The following CCDC171 variants were observed in gnomAD, a reference collection of about 807,000 sequenced individuals.
CCDC171 encodes coiled-coil domain-containing protein 171.
A neutral mutation model predicts 168.2 loss-of-function variants in CCDC171; 177 were observed. That is an observed-to-expected ratio of 1.05 (90% CI 0.93 to 1.19). The LOEUF is 1.19. CCDC171 is among the 50% of genes most tolerant of loss of function. The probability of loss-of-function intolerance (pLI) is 0.00; values close to 1 mark genes in which losing one functional copy is unlikely to be tolerated. For synonymous variants in CCDC171, 687 were observed against 540.8 expected, an observed-to-expected ratio of 1.27 and a Z score of -3.75; for missense variants, 1,991 against 1,539.0, an observed-to-expected ratio of 1.29 and a Z score of -4.91.
downstream of CCDC171, among the ~76,000 whole-genome samples, chr9:16,063,594 A>G (rs1251583610): frequency 6.6e-6 from 1 of 152,214 alleles, no homozygotes; most frequent in East Asian, 1.9e-4. Context: ...GCTGTTACGG[A>G]AAAGCGAAAA....
At chr9:15,955,197 G>A (rs1234509073) in intron 25 of CCDC171, among the ~76,000 whole-genome samples, 1 of 152,000 alleles carries the variant, frequency 6.6e-6, no homozygotes, top group Non-Finnish European at 1.5e-5. Context: ...CCTTTCCCTG[G>A]GCTTGTGTGG....
chr9:15,927,315 T>A (rs1033429780), intron 25 of CCDC171, among the ~76,000 whole-genome samples: 16 of 151,580 alleles, frequency 1.1e-4, no homozygotes, highest in African/African-American at 3.9e-4. Flanking sequence ...GGGCTTTGAG[T>A]AAAGAGCTTT....
chr9:15,793,260 A>G (rs2135639440), intron 21 of CCDC171, among the ~76,000 whole-genome samples: 1 of 152,168 alleles, frequency 6.6e-6, no homozygotes, highest in Non-Finnish European at 1.5e-5. Flanking sequence ...GATCAATTCA[A>G]CAAGAAGAGC....
chr9:16,077,558 C>G, the CCDC171 span, among the ~76,000 whole-genome samples: 1 of 152,156 alleles, frequency 6.6e-6, no homozygotes, highest in Admixed American at 6.5e-5. Flanking sequence ...GAAGAAAACA[C>G]CTGATCCAAG....
chr9:15,707,690 C>T (rs2052352064), intron 11 of CCDC171, among the ~76,000 whole-genome samples: 1 of 152,210 alleles, frequency 6.6e-6, no homozygotes, highest in Admixed American at 6.5e-5. Flanking sequence ...TTCTCCTTCT[C>T]TTTCCTACTT....
rs144676393 is a variant in CCDC171 at position 15,623,463 on chromosome 9, A to ACGCGCGCGCG, written c.822+50_822+51insCGCGCGCGCG. 2.3e-3 allele frequency: 1,491 copies of ACGCGCGCGCG among 635,824 alleles called. 202 individuals are homozygous for ACGCGCGCGCG. Among genetic ancestry groups the ACGCGCGCGCG allele is most frequent in the South Asian group, 6.5e-3 (342 of 52,476 alleles). 39.4% of individuals were successfully genotyped at this position (635,824 alleles called of 1,614,324 possible). A position where few individuals can be genotyped will look rare whatever the true frequency, so the allele number is the denominator to read the frequency against. ...TATATATGCGTACAAACTTTCACATATGCGCGCGCGCGCACACACACACAC... is the reference window on the plus strand; with the variant it reads ...TATATATGCGTACAAACTTTCACATACGCGCGCGCGTGCGCGCGCGCGCACACACACACAC... On this transcript the variant is annotated intron_variant, in intron 7 of 25. Coordinates refer to ENST00000380701, the MANE Select transcript of CCDC171 (RefSeq NM_173550.4).
intron 21 of CCDC171, among the ~76,000 whole-genome samples, chr9:15,842,104 G>A (rs2060704290): frequency 6.6e-6 from 1 of 151,906 alleles, no homozygotes; most frequent in South Asian, 2.1e-4. Flanking sequence ...ATGTAACCTA[G>A]TTCTTATAAC....
chr9:15,686,483 C>G (rs935411299), intron 10 of CCDC171, among the ~76,000 whole-genome samples: 7 of 151,448 alleles, frequency 4.6e-5, no homozygotes, highest in Non-Finnish European at 4.4e-5. Flanking sequence ...CCACTGCACT[C>G]CAGCTTGGGC....
At chr9:15,959,083 G>A (rs1171645062) in intron 25 of CCDC171, among the ~76,000 whole-genome samples, 1 of 152,116 alleles carries the variant, frequency 6.6e-6, no homozygotes, top group Non-Finnish European at 1.5e-5. Context: ...GGTGCCTGAG[G>A]CCACTTACAC....
At chr9:16,015,006 T>C (rs1005264356) in intron 3 of CCDC171, among the ~76,000 whole-genome samples, 1 of 152,078 alleles carries the variant, frequency 6.6e-6, no homozygotes, top group Non-Finnish European at 1.5e-5. Context: ...TATAAGACTG[T>C]TTCGTCTACA....
chr9:15,875,765 T>C (rs923074246), intron 24 of CCDC171: 1 of 152,060 alleles, frequency 6.6e-6, no homozygotes, highest in South Asian at 2.1e-4. Context: ...ATTAATGCTC[T>C]ACAAGGAAAA....
At chr9:15,645,505 G>A (rs2046967726) in intron 7 of CCDC171, among the ~76,000 whole-genome samples, 2 of 152,162 alleles carry the variant, frequency 1.3e-5, no homozygotes, top group South Asian at 4.1e-4. Context: ...TTGAAAAAAG[G>A]TTGGACGAAT....
chr9:15,632,641 T>G (rs1327559610), intron 7 of CCDC171, among the ~76,000 whole-genome samples: 11 of 152,162 alleles, frequency 7.2e-5, no homozygotes, highest in African/African-American at 2.4e-4. Context: ...AAGCTACCAA[T>G]GACTTTCTTC....
intron 21 of CCDC171, among the ~76,000 whole-genome samples, chr9:15,800,946 C>T (rs931246153): frequency 6.6e-6 from 1 of 151,908 alleles, no homozygotes; most frequent in Non-Finnish European, 1.5e-5. Context: ...TGTTTCTGGG[C>T]TCTCTATTCA....
chr9:16,053,114 G>A (rs912246559), intron 1 of CCDC171, among the ~76,000 whole-genome samples: 2 of 152,190 alleles, frequency 1.3e-5, no homozygotes, highest in Non-Finnish European at 2.9e-5. Flanking sequence ...AATCCTAACC[G>A]ATGGGTGTTA....
intron 7 of CCDC171, among the ~76,000 whole-genome samples, chr9:15,624,934 G>A (rs1159071873): frequency 1.3e-5 from 2 of 152,162 alleles, no homozygotes; most frequent in African/African-American, 2.4e-5. Context: ...CACCAAAAGT[G>A]TCAAAAAGTG....
intron 24 of CCDC171, among the ~76,000 whole-genome samples, chr9:15,910,779 G>A (rs1287053372): frequency 6.6e-6 from 1 of 151,568 alleles, no homozygotes; most frequent in Non-Finnish European, 1.5e-5. Context: ...TCCCACTTAT[G>A]AGTGAGAAAG....
chr9:16,085,146 A>AG, the CCDC171 span, among the ~76,000 whole-genome samples: 2 of 152,200 alleles, frequency 1.3e-5, no homozygotes, highest in Non-Finnish European at 2.9e-5. Flanking sequence ...GGAAATAAGG[A>AG]GGTAGCTCAT....
At chr9:15,812,406 C>A (rs934312063) in intron 21 of CCDC171, among the ~76,000 whole-genome samples, 2 of 152,162 alleles carry the variant, frequency 1.3e-5, no homozygotes, top group African/African-American at 4.8e-5. Context: ...TGGTTGGAAG[C>A]AAACAGATTG....
Sources: allele counts gnomAD v4.1 joint callset (sites outside exome capture counted in the v4.1 genomes callset), GRCh38; gene constraint gnomAD v4.1.1; transcripts MANE v1.5; gene names NCBI Gene and HGNC (gene_info 2026-07-23, HGNC 2026-07-21).